MEGF10: variants seen among roughly 807,000 people sequenced by gnomAD.
The protein encoded by MEGF10 is multiple epidermal growth factor-like domains protein 10.
MEGF10 carries 86 observed loss-of-function variants against 147.5 expected under a neutral mutation model. The ratio of observed to expected loss-of-function variants is 0.58; its 90% CI spans 0.49 to 0.70. The LOEUF (loss-of-function observed/expected upper bound fraction) is 0.70. MEGF10 is among the 30% of genes least tolerant of loss of function. MEGF10 has a pLI of 0.00. For synonymous variants in MEGF10, 478 were observed against 525.5 expected (o/e 0.91, Z 1.24); for missense variants, 1,329 against 1,487.3 (o/e 0.89, Z 1.75).
intron 11 of MEGF10, 151 bp from the exon 12 acceptor site, chr5:127,419,893 G>T (rs972404996): frequency 1.2e-6 from 1 of 861,812 alleles, no homozygotes; most frequent in African/African-American, 1.7e-5. Context: ...TTCTGATGGA[G>T]GCCTAACTTG....
chr5:127,331,151 G>A (rs1372785076), intron 1 of MEGF10, 140 bp from the exon 2 acceptor site: 3 of 564,516 alleles, frequency 5.3e-6, no homozygotes, highest in Non-Finnish European at 9.5e-6. Flanking sequence ...GGAATTTGGT[G>A]ACCTGGCTAT....
rs79562405 is a variant in MEGF10, at chr5:127,399,445, A to T, written c.780+649A>T. On this transcript the variant is annotated intron_variant, in intron 7 of 24. Coordinates refer to ENST00000503335, the MANE Select transcript of MEGF10 (RefSeq NM_001256545.2). ...ACATCTGAAATCAGGAAATATAATA[A>T]TATTGATGTCATCTCTCTGAGTTGG... Among the ~76,000 whole-genome samples the T allele has an allele frequency of 2.1e-3, 317 of 152,352 alleles. 1 individual carries two copies. The highest frequency in any genetic ancestry group is 7.4e-3 in the African/African-American group (306 of 41,592).
rs191661145 is a variant in MEGF10, at chr5:127,370,428, G to A, written c.412+426G>A. ...ACCTGTTGGTTTTTAACTCAGAAGT[G>A]AAACTGGCATTTTTGACACTAACAT... On this transcript the variant is annotated intron_variant, in intron 5 of 24. Coordinates refer to ENST00000503335, the MANE Select transcript of MEGF10 (RefSeq NM_001256545.2). Among the ~76,000 whole-genome samples the A allele has an allele frequency of 5.2e-4, 79 of 152,298 alleles. 1 individual carries two copies. In the East Asian group the frequency reaches 0.013, roughly 24 times the overall value.
At chr5:127,279,566 C>T in the MEGF10 span, among the ~76,000 whole-genome samples, 1 of 152,158 alleles carries the variant, frequency 6.6e-6, no homozygotes, top group African/African-American at 2.4e-5. Context: ...TTCCCAACAG[C>T]ATATGAAAAC....
chr5:127,449,158 T>A lies in MEGF10; in HGVS notation c.2916T>A (p.Pro972=). ...ATGTGAACCCTGGGAAGAGAGGCCC[T>A]GTGGGGGACTGCACTGGGACATTGC... The part of the protein sequence containing the change: ...LKNVNPGKRG[P]VGDCTGTLPA... Residue 972 remains proline (P), a synonymous_variant, in exon 22 of 25, where the codon CCT becomes CCA. Coordinates refer to ENST00000503335, the MANE Select transcript of MEGF10 (RefSeq NM_001256545.2). 1 of 1,614,146 alleles carries A rather than the reference T, an allele frequency of 6.2e-7. No individual in the cohort carries two copies. Among genetic ancestry groups the A allele is most frequent in the South Asian group, 1.1e-5 (1 of 91,066 alleles).
chr5:127,330,285 T>G (rs1761201182), intron 1 of MEGF10, among the ~76,000 whole-genome samples: 2 of 152,188 alleles, frequency 1.3e-5, no homozygotes, highest in Admixed American at 1.3e-4. Flanking sequence ...AGAGTCATTC[T>G]TCTAATGCCA....
chr5:127,310,701 A>G (rs1189164036), intron 1 of MEGF10, among the ~76,000 whole-genome samples: 2 of 152,184 alleles, frequency 1.3e-5, no homozygotes, highest in South Asian at 2.1e-4. Context: ...ACAAAGGCTC[A>G]TTTATGGATA....
At chr5:127,303,189 A>G (rs1759848928) in intron 1 of MEGF10, among the ~76,000 whole-genome samples, 1 of 152,154 alleles carries the variant, frequency 6.6e-6, no homozygotes, top group African/African-American at 2.4e-5. Context: ...TTCAAAAATT[A>G]GCTGGGCATG....
chr5:127,239,418 GGA>G, the MEGF10 span, among the ~76,000 whole-genome samples: 2 of 118,320 alleles, frequency 1.7e-5, no homozygotes, highest in Admixed American at 8.4e-5. Flanking sequence ...CACACACACG[GGA>G]GAGAGAGAAT....
intron 2 of MEGF10, among the ~76,000 whole-genome samples, 168 bp downstream of exon 2, chr5:127,331,592 G>T (rs1561575859): frequency 6.6e-6 from 1 of 152,116 alleles, no homozygotes; most frequent in Non-Finnish European, 1.5e-5. Flanking sequence ...AGTCACCTTG[G>T]TCTTATAGCA....
chr5:127,454,667 A>G lies in MEGF10; in HGVS notation c.3025+57A>G. 2.0e-6 allele frequency: 3 copies of G among 1,463,774 alleles called. No homozygotes were observed. In the South Asian group the frequency reaches 3.7e-5, roughly 18 times the overall value. 90.7% of individuals were successfully genotyped at this position (1,463,774 alleles called of 1,614,324 possible). A position where few individuals can be genotyped will look rare whatever the true frequency, so the allele number is the denominator to read the frequency against. ...GCACAATTAAATTTTTTTTAACCTC[A>G]AAGACTGAAATAGTTTTTAAACAAG... On this transcript the variant is annotated intron_variant, in intron 23 of 24. Transcript: ENST00000503335.
At chr5:127,274,872 C>G in the MEGF10 span, among the ~76,000 whole-genome samples, 1 of 151,794 alleles carries the variant, frequency 6.6e-6, no homozygotes, top group Non-Finnish European at 1.5e-5. Flanking sequence ...CCATTTTTTT[C>G]TAGAAAAGCC....
chr5:127,380,149 G>A (rs940435255), intron 5 of MEGF10, among the ~76,000 whole-genome samples: 1 of 150,496 alleles, frequency 6.6e-6, no homozygotes, highest in Non-Finnish European at 1.5e-5. Context: ...TATCCCTGCT[G>A]TCTAGCTATC....
intron 15 of MEGF10, 64 bp downstream of exon 15, chr5:127,434,885 A>G: frequency 6.4e-7 from 1 of 1,551,064 alleles, no homozygotes; most frequent in South Asian, 1.2e-5. Flanking sequence ...GTCTGTCCTC[A>G]GGCCTCCCCT....
At chr5:127,371,550 T>C (rs935656711) in intron 5 of MEGF10, among the ~76,000 whole-genome samples, 1 of 152,194 alleles carries the variant, frequency 6.6e-6, no homozygotes, top group African/African-American at 2.4e-5. Flanking sequence ...TAAAACTATG[T>C]GGTTTGCCAC....
intron 14 of MEGF10, 27 bp from the exon 15 acceptor site, chr5:127,434,660 A>T (rs778989516): frequency 6.3e-7 from 1 of 1,590,600 alleles, no homozygotes. Flanking sequence ...TCAGAAGGAT[A>T]ACTGCTGATT....
At chr5:127,375,684 G>A (rs557060887) in intron 5 of MEGF10, among the ~76,000 whole-genome samples, 9 of 152,226 alleles carry the variant, frequency 5.9e-5, no homozygotes, top group African/African-American at 1.7e-4. Flanking sequence ...ATCTGCCCAT[G>A]CATCAATCCT....
At chr5:127,278,115 T>C in the MEGF10 span, among the ~76,000 whole-genome samples, 1 of 152,056 alleles carries the variant, frequency 6.6e-6, no homozygotes, top group East Asian at 1.9e-4. Flanking sequence ...AGTGATCCAA[T>C]GACTGAGACC....
chr5:127,451,784 A>G (rs1013030965), intron 22 of MEGF10, among the ~76,000 whole-genome samples: 1 of 152,230 alleles, frequency 6.6e-6, no homozygotes, highest in Non-Finnish European at 1.5e-5. Flanking sequence ...TCACTCAGGA[A>G]TAATTCTGCA....
Sources: allele counts gnomAD v4.1 joint callset (sites outside exome capture counted in the v4.1 genomes callset), GRCh38; gene constraint gnomAD v4.1.1; transcripts MANE v1.5; gene names NCBI Gene and HGNC (gene_info 2026-07-23, HGNC 2026-07-21).